The following NLRP12 variants were observed in gnomAD, a reference collection of about 807,000 sequenced individuals.
The protein encoded by NLRP12 is NLR family pyrin domain containing 12.
In NLRP12, 108 loss-of-function variants were observed where a neutral mutation model predicts 91.2. That is an observed-to-expected ratio of 1.18 (90% CI 1.01 to 1.39). NLRP12 has a LOEUF of 1.39. Ranked by LOEUF, NLRP12 falls within the 40% of genes most tolerant of loss-of-function variation. The pLI, the probability that NLRP12 is intolerant of heterozygous loss-of-function variation, is 0.00. For synonymous variants in NLRP12, 613 were observed against 566.7 expected (o/e 1.08, Z -1.16); for missense variants, 1,530 against 1,352.7 (o/e 1.13, Z -2.06).
In NLRP12 at chr19:53,810,293, G is replaced by A. The variant is rs777260817; in HGVS notation, c.1366C>T (p.Pro456Ser). 1.7e-5 allele frequency: 28 copies of A among 1,613,906 alleles called. No individual in the cohort carries two copies. Among genetic ancestry groups the A allele is most frequent in the Non-Finnish European group, 2.3e-5 (27 of 1,180,052 alleles). The stretch of plus-strand genomic sequence containing the variant: ...AAGGAGCACAACCCTCTCTGGTTGG[G>A]TGGGGGCTGGAGGCGCGGGGCCCCC... ...KPGAPRLQPP[P>S]NQRGLCSLAA... Residue 456 changes from proline (P) to serine (S), a missense_variant, in exon 3 of 10, where the codon CCC becomes TCC. By Grantham distance (74) the Pro-to-Ser change is moderately conservative (BLOSUM62 -1). Transcript: ENST00000324134.
intron 2 of NLRP12, among the ~76,000 whole-genome samples, chr19:53,812,297 A>C (rs185060367): frequency 6.6e-6 from 1 of 151,824 alleles, no homozygotes; most frequent in African/African-American, 2.4e-5. Flanking sequence ...AGACGCATAC[A>C]TATCATGCAG....
At chr19:53,809,539 A>AAAAG (rs2092021286) in intron 3 of NLRP12, 48 bp downstream of exon 3, 1 of 1,468,620 alleles carries the variant, frequency 6.8e-7, no homozygotes, top group Admixed American at 2.2e-5. Context: ...AAAAAAAAAA[A>AAAAG]AACACACGAA....
chr19:53,809,557 AGCCCCAGGGGATAC>A lies in NLRP12; in HGVS notation c.2072+16_2072+29del. The A allele has an allele frequency of 6.7e-7, 1 of 1,494,664 alleles. No homozygotes were observed. The highest frequency in any genetic ancestry group is 1.1e-5 in the South Asian group (1 of 87,406). 92.6% of individuals were successfully genotyped at this position (1,494,664 alleles called of 1,614,324 possible). ...AAAAAAAAAACACACGAACCTAAGCAGCCCCAGGGGATACCCCAGGGATACTTACAGCTGCACCA... is the reference window on the plus strand; with the variant it reads ...AAAAAAAAAACACACGAACCTAAGCACCCAGGGATACTTACAGCTGCACCA... On this transcript the variant is annotated intron_variant, in intron 3 of 9. Transcript: ENST00000324134.
intron 4 of NLRP12, chr19:53,805,863 C>T (rs2091950862): frequency 4.0e-6 from 1 of 252,934 alleles, no homozygotes; most frequent in Non-Finnish European, 7.9e-6. Context: ...TAAATTTTAC[C>T]TGTCAAGAAA....
At chr19:53,803,898 T>C in intron 6 of NLRP12, 54 bp downstream of exon 6, 1 of 1,560,524 alleles carries the variant, frequency 6.4e-7, no homozygotes, top group Non-Finnish European at 8.8e-7. Context: ...TATACCATCA[T>C]TCAATATGAA....
intron 3 of NLRP12, 58 bp downstream of exon 3, chr19:53,809,529 A>AAC (rs1282956495): frequency 3.7e-6 from 5 of 1,339,124 alleles, no homozygotes; most frequent in Non-Finnish European, 5.0e-6. Flanking sequence ...AAAAAAAAAA[A>AAC]AAAAAAAAAA....
Position 53,797,008 on chromosome 19 carries a change from A to G in NLRP12, c.2928-979T>C, listed in dbSNP as rs370598187. ...TTTAAAAAAAAAAAAAATCCCAAAT[A>G]AACTAGATGATGCCTCATCCCATTC... On this transcript the variant is annotated intron_variant, in intron 8 of 9. Coordinates refer to ENST00000324134, the MANE Select transcript of NLRP12 (RefSeq NM_144687.4). Among the ~76,000 whole-genome samples the G allele has an allele frequency of 3.6e-4, 54 of 152,106 alleles. 1 individual carries two copies. The East Asian group carries it at 9.9e-3, about 28-fold the overall frequency.
At position 53,824,131 on chromosome 19, in the gene NLRP12, G is replaced by C. The variant is rs567202893; in HGVS notation, c.44C>G (p.Thr15Ser). The change falls in exon 1 of 10, where the codon ACC becomes AGC. Residue 15 changes from threonine (T) to serine (S), a missense_variant. Physicochemically the swap from Thr to Ser is moderately conservative, Grantham distance 58. Transcript: ENST00000324134. ...AGRDGLCRLS[T>S]YLEELEAVEL... ...CACAGCCTCGAGTTCTTCCAAGTAG[G>C]TGGACAGGCGACAGAGGCCGTCCCT... is the stretch of plus-strand genomic sequence containing the variant. The C allele has an allele frequency of 6.2e-7, 1 of 1,614,096 alleles. No homozygotes were observed.
At chr19:53,804,234 C>A in intron 5 of NLRP12, 112 bp from the exon 6 acceptor site, 1 of 1,261,922 alleles carries the variant, frequency 7.9e-7, no homozygotes, top group Non-Finnish European at 1.1e-6. Context: ...GCTCTGTCAC[C>A]CAGGGTGAAG....
intron 7 of NLRP12, among the ~76,000 whole-genome samples, chr19:53,799,018 T>TG (rs1308886890): frequency 1.4e-5 from 2 of 147,568 alleles, no homozygotes; most frequent in Non-Finnish European, 3.0e-5. Flanking sequence ...AAATTTTTTT[T>TG]TTTTTTTTTT....
intron 6 of NLRP12, among the ~76,000 whole-genome samples, 195 bp from the exon 7 acceptor site, chr19:53,801,592 A>G (rs1453526486): frequency 1.3e-5 from 2 of 151,282 alleles, no homozygotes; most frequent in African/African-American, 4.9e-5. Flanking sequence ...CGCTGGGACT[A>G]CAAGCGTGTG....
Position 53,810,850 on chromosome 19 carries a change from C to A in NLRP12, c.809G>T (p.Ser270Ile). The A allele has an allele frequency of 6.8e-6, 11 of 1,614,094 alleles. No homozygotes were observed. The highest frequency in any genetic ancestry group is 9.3e-6 in the Non-Finnish European group (11 of 1,180,026). Residue 270 changes from serine to isoleucine, a missense_variant, in exon 3 of 10, where the codon AGC becomes ATC. Physicochemically the swap from Ser to Ile is moderately radical, Grantham distance 142. Coordinates refer to ENST00000324134, the MANE Select transcript of NLRP12 (RefSeq NM_144687.4). The part of the protein sequence containing the change: ...TECSMQDLIF[S>I]CWPEPSAPLQ... ...AGGCGCGCTGGGCTCAGGCCAGCAG[C>A]TGAAGATGAGGTCTTGCATGCTGCA...
chr19:53,801,206 G>A (rs2091863593), intron 7 of NLRP12, 21 bp downstream of exon 7: 1 of 1,612,636 alleles, frequency 6.2e-7, no homozygotes, highest in Admixed American at 1.7e-5. Context: ...CTCCTAGCGT[G>A]GTGAGCAAAA....
At chr19:53,816,377 C>T (rs866241907) in intron 1 of NLRP12, among the ~76,000 whole-genome samples, 48 of 109,526 alleles carry the variant, frequency 4.4e-4, no homozygotes, top group African/African-American at 1.7e-3. Flanking sequence ...ACACAGCCCG[C>T]CCCCCCCAAC....
Position 53,795,925 on chromosome 19 carries a change from C to T in NLRP12, c.3032G>A (p.Gly1011Glu). 3 of 1,614,092 alleles carry T rather than the reference C, an allele frequency of 1.9e-6. No individual in the cohort carries two copies. The highest frequency in any genetic ancestry group is 2.2e-5 in the South Asian group (2 of 91,078). ...TDLYLTNNAL[G>E]DTGVRLLCKR... is the part of the protein sequence containing the mutation. ...GCAAAGCAGTCGGACACCTGTGTCC[C>T]CTAGGGCGTTGTTGGTCAGGTAAAG... is the stretch of plus-strand genomic sequence containing the variant. The change falls in exon 9 of 10, where the codon GGG becomes GAG. Residue 1011 changes from glycine (G) to glutamate (E), a missense_variant. Physicochemically the swap from Gly to Glu is moderately conservative, Grantham distance 98 (BLOSUM62 -2). Transcript: ENST00000324134.
At chr19:53,795,420 G>T (rs983854708) in intron 9 of NLRP12, among the ~76,000 whole-genome samples, 40 of 151,828 alleles carry the variant, frequency 2.6e-4, no homozygotes, top group African/African-American at 8.5e-4. Flanking sequence ...TGTCACCCAG[G>T]CTGGAGTGCA....
At chr19:53,806,700 AAAAAG>A (rs1568670231) in intron 4 of NLRP12, among the ~76,000 whole-genome samples, 6 of 148,346 alleles carry the variant, frequency 4.0e-5, no homozygotes, top group African/African-American at 7.5e-5. Context: ...AAAAAAAAAA[AAAAAG>A]AAATTAGCCG....
chr19:53,805,510 ATTTTCTTTTGCT>A, intron 4 of NLRP12, 60 bp from the exon 5 acceptor site: 1 of 1,412,350 alleles, frequency 7.1e-7, no homozygotes, highest in Non-Finnish European at 9.5e-7. Flanking sequence ...TTTGTGGATT[ATTTTCTTTTGCT>A]TTTTTTTTTT....
intron 2 of NLRP12, 79 bp downstream of exon 2, chr19:53,814,829 G>A (rs1045390229): frequency 3.6e-6 from 4 of 1,125,846 alleles, no homozygotes; most frequent in Non-Finnish European, 4.1e-6. Flanking sequence ...TCAATCACGC[G>A]TTTGTGGTTG....
Sources: gnomAD v4.1 joint callset for allele counts (sites outside exome capture counted in the v4.1 genomes callset) on GRCh38, gnomAD v4.1.1 for gene constraint, MANE v1.5 for transcripts, NCBI Gene and HGNC (gene_info 2026-07-23, HGNC 2026-07-21) for gene names.